The following ZSWIM9 variants were observed in gnomAD, a reference collection of about 807,000 sequenced individuals.
ZSWIM9 encodes uncharacterized protein ZSWIM9.
ZSWIM9 carries 11 observed loss-of-function variants against 25.0 expected under a neutral mutation model. The ratio of observed to expected loss-of-function variants is 0.44; its 90% CI spans 0.28 to 0.73. The LOEUF is 0.73. Ranked by LOEUF, ZSWIM9 falls within the 30% of genes least tolerant of loss-of-function variation. The pLI is 0.16. For missense variants in ZSWIM9, 1,070 were observed against 1,296.5 expected (o/e 0.83, Z 2.68); for synonymous variants, 562 against 582.1 (o/e 0.97, Z 0.50).
chr19:48,182,220 C>T lies in ZSWIM9; in HGVS notation c.276-235C>T, dbSNP rs558208992. ...ATATTAACTCTTTTCATGCTCATGA[C>T]GATCCTATGAGGAAGGTATGATGAG... is the stretch of plus-strand genomic sequence containing the variant. On this transcript the variant is annotated intron_variant, in intron 2 of 3. Transcript: ENST00000614654. This position sits in a 1 kb window ranked among gnomAD's most constrained non-coding sequence, Gnocchi z 4.6. 9.1e-5 allele frequency: 51 copies of T among 563,434 alleles called. No homozygotes were observed. Among genetic ancestry groups the T allele is most frequent in the Admixed American group, 2.0e-4 (6 of 30,060 alleles). 34.9% of individuals were successfully genotyped at this position (563,434 alleles called of 1,614,324 possible).
At chr19:48,179,230 A>G (rs1280185047) in intron 2 of ZSWIM9, among the ~76,000 whole-genome samples, 1 of 151,912 alleles carries the variant, frequency 6.6e-6, no homozygotes, top group Non-Finnish European at 1.5e-5. Context: ...GTGCCATCAT[A>G]GCTCACTATA....
At position 48,182,851 on chromosome 19, in the gene ZSWIM9, G is replaced by A. The variant is rs963015662; in HGVS notation, c.588+84G>A. 1.1e-5 allele frequency: 10 copies of A among 942,176 alleles called. No homozygotes were observed. The highest frequency in any genetic ancestry group is 1.7e-5 in the South Asian group (1 of 59,890). 58.4% of individuals were successfully genotyped at this position (942,176 alleles called of 1,614,324 possible). A position where few individuals can be genotyped will look rare whatever the true frequency, so the allele number is the denominator to read the frequency against. ...TCGTGGGTCATTCATGCCTTCATCC[G>A]CCCTCTCATCCCTTCACTCCTTTCC... On this transcript the variant is annotated intron_variant, in intron 3 of 3. Coordinates refer to ENST00000614654, the MANE Select transcript of ZSWIM9 (RefSeq NM_199341.4). The surrounding 1 kb of genome is among the most constrained non-coding windows in gnomAD (Gnocchi z 4.6).
chr19:48,177,368 G>A (rs2036904080), intron 2 of ZSWIM9, among the ~76,000 whole-genome samples: 1 of 152,094 alleles, frequency 6.6e-6, no homozygotes, highest in Non-Finnish European at 1.5e-5. Flanking sequence ...TTACATCGTG[G>A]GATTTAGTCA....
At chr19:48,188,507 G>A (rs1375953215) in intron 3 of ZSWIM9, among the ~76,000 whole-genome samples, 5 of 151,976 alleles carry the variant, frequency 3.3e-5, no homozygotes, top group African/African-American at 9.7e-5. Flanking sequence ...GATTACAGGC[G>A]TGAGCCACCG....
chr19:48,171,870 CCTT>C lies in ZSWIM9; in HGVS notation c.74_76del (p.Phe25del), dbSNP rs1326259953. ...GAGGAGCAGGAGCTGCGGGAGCGGG[CCTT>C]CTTCTCGTGGGCCGAGTTCAGCCGC... On this transcript the variant is annotated inframe_deletion, in exon 2 of 4. Coordinates refer to ENST00000614654, the MANE Select transcript of ZSWIM9 (RefSeq NM_199341.4). 4 of 1,535,402 alleles carry C rather than the reference CCTT, an allele frequency of 2.6e-6. No individual in the cohort carries two copies. The highest frequency in any genetic ancestry group is 2.4e-5 in the East Asian group (1 of 40,898).
chr19:48,195,666 G>C lies in ZSWIM9; in HGVS notation c.1602G>C (p.Arg534Ser). 7.0e-7 allele frequency: 1 copy of C among 1,434,064 alleles called. No homozygotes were observed. Among genetic ancestry groups the C allele is most frequent in the Non-Finnish European group, 9.1e-7 (1 of 1,100,490 alleles). The allele number at this position is 1,434,064 out of a possible 1,614,324, so 88.8% of individuals were successfully genotyped here. The change falls in exon 4 of 4, where the codon AGG becomes AGC. Residue 534 changes from arginine (R) to serine (S), a missense_variant. Coordinates refer to ENST00000614654, the MANE Select transcript of ZSWIM9 (RefSeq NM_199341.4). The surrounding 1 kb of genome is among the most constrained non-coding windows in gnomAD (Gnocchi z 5.8). ...GTCGGTTGGAGAATCAGAAGCCGAGGGGACTGGAAGGGGGTGTCTTGAGAG... is the reference window on the plus strand; with the variant it reads ...GTCGGTTGGAGAATCAGAAGCCGAGCGGACTGGAAGGGGGTGTCTTGAGAG... The part of the protein sequence containing the change: ...RGGRLENQKP[R>S]GLEGGVLRGS...
intron 3 of ZSWIM9, among the ~76,000 whole-genome samples, chr19:48,188,241 G>A (rs1255642445): frequency 7.0e-6 from 1 of 142,088 alleles, no homozygotes; most frequent in Non-Finnish European, 1.5e-5. Context: ...TTTTTTTTTT[G>A]AGATGGAGTC....
At position 48,195,019 on chromosome 19, in the gene ZSWIM9, G is replaced by A. The variant is rs1218886188; in HGVS notation, c.955G>A (p.Ala319Thr). 9.5e-6 allele frequency: 13 copies of A among 1,368,054 alleles called. No individual in the cohort carries two copies. The highest frequency in any genetic ancestry group is 1.5e-5 in the South Asian group (1 of 66,950). The allele number at this position is 1,368,054 out of a possible 1,614,324, so 84.7% of individuals were successfully genotyped here. ...CTGCGCGCGCGTGCAGATCTGCCGC[G>A]CGCAGGGCCTGGAGACGCTCTTCAG... ...LPCARVQICR[A>T]QGLETLFSKA... The change falls in exon 4 of 4, where the codon GCG becomes ACG. Residue 319 changes from alanine (A) to threonine (T), a missense_variant. Transcript: ENST00000614654. This position sits in a 1 kb window ranked among gnomAD's most constrained non-coding sequence, Gnocchi z 5.8.
Position 48,170,708 on chromosome 19 carries a change from C to G in ZSWIM9, c.-16C>G, listed in dbSNP as rs1311848735. The G allele has an allele frequency of 2.7e-5, 3 of 111,818 alleles. No homozygotes were observed. The highest frequency in any genetic ancestry group is 1.1e-4 in the South Asian group (1 of 8,790). 6.9% of individuals were successfully genotyped at this position (111,818 alleles called of 1,614,324 possible). On this transcript the variant is annotated 5_prime_UTR_variant, in exon 1 of 4. Transcript: ENST00000614654. ...GTGGGAGGTGGACGCCGCTCCGGGGCGGGTAGGTGAGTGGGGAGGGGCGGG... is the reference window on the plus strand; with the variant it reads ...GTGGGAGGTGGACGCCGCTCCGGGGGGGGTAGGTGAGTGGGGAGGGGCGGG...
At chr19:48,176,830 G>A (rs924323809) in intron 2 of ZSWIM9, among the ~76,000 whole-genome samples, 3 of 151,902 alleles carry the variant, frequency 2.0e-5, no homozygotes, top group African/African-American at 2.4e-5. Flanking sequence ...TTGGGAGGCC[G>A]AGGTGGGTGG....
chr19:48,179,492 T>C (rs1157390533), intron 2 of ZSWIM9, among the ~76,000 whole-genome samples: 4 of 152,174 alleles, frequency 2.6e-5, no homozygotes, highest in African/African-American at 9.7e-5. Context: ...TTTTCTACAG[T>C]GTTGGTTGCA....
chr19:48,175,171 T>C (rs573981269), intron 2 of ZSWIM9, among the ~76,000 whole-genome samples: 4 of 152,302 alleles, frequency 2.6e-5, no homozygotes, highest in Non-Finnish European at 4.4e-5. Context: ...AGGTTTACTA[T>C]GTGCAGGTAC....
chr19:48,176,803 C>T (rs1206731935), intron 2 of ZSWIM9, among the ~76,000 whole-genome samples: 1 of 151,988 alleles, frequency 6.6e-6, no homozygotes, highest in Non-Finnish European at 1.5e-5. Context: ...GTGGCTCACA[C>T]CTGTAATCCT....
At chr19:48,187,207 A>G (rs2037022010) in intron 3 of ZSWIM9, among the ~76,000 whole-genome samples, 1 of 149,206 alleles carries the variant, frequency 6.7e-6, no homozygotes, top group African/African-American at 2.5e-5. Flanking sequence ...TAAAAAAAAA[A>G]AAAAGCCATT....
chr19:48,187,565 A>ATTAT (rs1568579812), intron 3 of ZSWIM9: 3 of 23,670 alleles, frequency 1.3e-4, no homozygotes, highest in East Asian at 2.2e-3. Flanking sequence ...TATTATATAT[A>ATTAT]ATATTATATA....
intron 3 of ZSWIM9, among the ~76,000 whole-genome samples, chr19:48,186,046 C>A (rs2037007165): frequency 6.6e-6 from 1 of 152,144 alleles, no homozygotes. Context: ...AGGCCACTGG[C>A]CACACATGGC....
In ZSWIM9 at chr19:48,195,141, C is replaced by G; in HGVS notation, c.1077C>G (p.Asp359Glu). ...GCGCGTCGTCGCCCGCAGCCTACGA[C>G]GAGGCGCTGGCCGAGCTCCACGCCC... is the stretch of plus-strand genomic sequence containing the variant. The part of the protein sequence containing the change: ...LAGASSPAAY[D>E]EALAELHAHG... The change falls in exon 4 of 4, where the codon GAC becomes GAG. Residue 359 changes from aspartate to glutamate, a missense_variant. Around this residue, in one of 4 missense-constraint regions of ZSWIM9, gnomAD observed 184 missense variants for 243.1 expected, o/e 0.76. Transcript: ENST00000614654. This position sits in a 1 kb window ranked among gnomAD's most constrained non-coding sequence, Gnocchi z 5.8. The G allele has an allele frequency of 6.6e-7, 1 of 1,507,034 alleles. No homozygotes were observed. The highest frequency in any genetic ancestry group is 8.8e-7 in the Non-Finnish European group (1 of 1,132,226). 93.4% of individuals were successfully genotyped at this position (1,507,034 alleles called of 1,614,324 possible). A position where few individuals can be genotyped will look rare whatever the true frequency, so the allele number is the denominator to read the frequency against.
Position 48,171,188 on chromosome 19 carries a change from C to T in ZSWIM9, c.-10+474C>T, listed in dbSNP as rs974952491. On this transcript the variant is annotated intron_variant, in intron 1 of 3. Coordinates refer to ENST00000614654, the MANE Select transcript of ZSWIM9 (RefSeq NM_199341.4). Reference sequence around the variant, plus strand: ...ATGTGGCGAGCCATAGGGTCATAATCGGGGGAAGGGGCAACAGCTGCACGC... The same window carrying T: ...ATGTGGCGAGCCATAGGGTCATAATTGGGGGAAGGGGCAACAGCTGCACGC... The T allele has an allele frequency of 6.1e-6, 6 of 981,710 alleles. No individual in the cohort carries two copies. In the African/African-American group the frequency reaches 7.0e-5, roughly 11 times the overall value. The allele number at this position is 981,710 out of a possible 1,614,324, so 60.8% of individuals were successfully genotyped here. A position where few individuals can be genotyped will look rare whatever the true frequency, so the allele number is the denominator to read the frequency against.
At chr19:48,180,039 G>A (rs1350476922) in intron 2 of ZSWIM9, among the ~76,000 whole-genome samples, 5 of 151,960 alleles carry the variant, frequency 3.3e-5, no homozygotes, top group South Asian at 2.1e-4. Context: ...TATTCTAGAC[G>A]GAGTTTTGCT....
Sources: allele counts gnomAD v4.1 joint callset (sites outside exome capture counted in the v4.1 genomes callset), GRCh38; gene constraint gnomAD v4.1.1; regional missense constraint gnomAD v4.1.1; non-coding constraint Gnocchi (gnomAD v3.1); transcripts MANE v1.5; gene names NCBI Gene and HGNC (gene_info 2026-07-23, HGNC 2026-07-21).